KPNA7: variants seen among roughly 807,000 people sequenced by gnomAD.
The protein encoded by KPNA7 is importin subunit alpha-8.
A neutral mutation model predicts 53.7 loss-of-function variants in KPNA7; 54 were observed. The observed-to-expected ratio is 1.01, with a 90% CI of 0.81 to 1.26. The LOEUF (loss-of-function observed/expected upper bound fraction) is 1.26. Ranked by LOEUF, KPNA7 falls within the 50% of genes most tolerant of loss-of-function variation. The probability of loss-of-function intolerance (pLI) is 0.00; values close to 1 mark genes in which losing one functional copy is unlikely to be tolerated. For synonymous variants in KPNA7, 276 were observed against 259.3 expected (o/e 1.06, Z -0.62); for missense variants, 640 against 644.5 (o/e 0.99, Z 0.07).
rs1270637079 is a variant in KPNA7 at position 99,181,875 on chromosome 7, C to A, written c.1317+8G>T. On this transcript the variant is annotated splice_region_variant and intron_variant, in intron 9 of 10. Coordinates refer to ENST00000327442, the MANE Select transcript of KPNA7 (RefSeq NM_001145715.3). ...TATTTACAAACCAACCTGTTCAGAA[C>A]GGCTCACCTGGAGGATGCAAGAGAT... The A allele has an allele frequency of 2.6e-6, 4 of 1,531,964 alleles. No individual in the cohort carries two copies. Among genetic ancestry groups the A allele is most frequent in the Non-Finnish European group, 3.5e-6 (4 of 1,133,244 alleles). 94.9% of individuals were successfully genotyped at this position (1,531,964 alleles called of 1,614,324 possible). A position where few individuals can be genotyped will look rare whatever the true frequency, so the allele number is the denominator to read the frequency against.
chr7:99,153,034 A>C, the KPNA7 span, among the ~76,000 whole-genome samples: 1 of 152,232 alleles, frequency 6.6e-6, no homozygotes, highest in African/African-American at 2.4e-5. Context: ...TATTTTTATA[A>C]TAACGGGCTG....
intron 3 of KPNA7, among the ~76,000 whole-genome samples, chr7:99,198,597 C>A (rs1272115462): frequency 1.3e-5 from 2 of 151,288 alleles, no homozygotes; most frequent in Admixed American, 6.6e-5. Context: ...TAAAAAAAAA[C>A]ACTCAACAAA....
In KPNA7 at chr7:99,185,024, A is replaced by T. The variant is rs950190320; in HGVS notation, c.1039T>A (p.Trp347Arg). The change falls in exon 8 of 11, where the codon TGG (tryptophan) becomes AGG (arginine). Residue 347 changes from tryptophan to arginine, a missense_variant. Trp to Arg is a moderately radical substitution (Grantham distance 101, BLOSUM62 -3). Coordinates refer to ENST00000327442, the MANE Select transcript of KPNA7 (RefSeq NM_001145715.3). ...CCCGCTGCTACGTTGCTCAGGGCCC[A>T]GGCTGCCTCCTTCTGGATGGAGGGC... The part of the protein sequence containing the change: ...NKPSIQKEAA[W>R]ALSNVAAGPC... The T allele has an allele frequency of 1.3e-6, 2 of 1,551,918 alleles. No homozygotes were observed. Among genetic ancestry groups the T allele is most frequent in the Admixed American group, 3.9e-5 (2 of 51,006 alleles).
At chr7:99,194,505 G>A (rs942789906) in intron 5 of KPNA7, among the ~76,000 whole-genome samples, 4 of 152,150 alleles carry the variant, frequency 2.6e-5, no homozygotes, top group African/African-American at 7.2e-5. Flanking sequence ...GAGGCTGTAG[G>A]ACCTTAGTGT....
the KPNA7 span, among the ~76,000 whole-genome samples, chr7:99,167,780 C>T: frequency 6.6e-6 from 1 of 151,744 alleles, no homozygotes; most frequent in African/African-American, 2.4e-5. Context: ...TGTGCCTGGC[C>T]TCCTTATGAG....
At chr7:99,194,494 T>G (rs949489312) in intron 5 of KPNA7, among the ~76,000 whole-genome samples, 1 of 152,208 alleles carries the variant, frequency 6.6e-6, no homozygotes, top group Non-Finnish European at 1.5e-5. Flanking sequence ...CACGAAGCCC[T>G]GAGGCTGTAG....
chr7:99,185,125 C>T lies in KPNA7; in HGVS notation c.938G>A (p.Gly313Asp). Residue 313 changes from glycine (G) to aspartate (D), a missense_variant, in exon 8 of 11, where the codon GGC becomes GAC. Transcript: ENST00000327442. ...GGCCATCTGCGTCTGCTCATCTGTGCCCGTGACAATGTTCCCCACGGTGCG... is the reference window on the plus strand; with the variant it reads ...GGCCATCTGCGTCTGCTCATCTGTGTCCGTGACAATGTTCCCCACGGTGCG... The part of the protein sequence containing the change: ...SLRTVGNIVT[G>D]TDEQTQMAID... The T allele has an allele frequency of 1.3e-6, 2 of 1,552,032 alleles. No individual in the cohort carries two copies. The highest frequency in any genetic ancestry group is 1.7e-6 in the Non-Finnish European group (2 of 1,147,072).
At chr7:99,181,033 GTGTGTCTCTCTCTCTCTCTCCGTC>G (rs1563068952) in intron 9 of KPNA7, among the ~76,000 whole-genome samples, 308 of 15,220 alleles carry the variant, frequency 0.02, 120 homozygotes, top group African/African-American at 0.054. Flanking sequence ...GTCTCTCTGT[GTGTGTCTCTCTCTCTCTCTCCGTC>G]TGTGTCTCTC....
chr7:99,213,349 C>A (rs1177454712), intron 1 of KPNA7, among the ~76,000 whole-genome samples: 1 of 145,686 alleles, frequency 6.9e-6, no homozygotes, highest in Non-Finnish European at 1.5e-5. Context: ...AGGATGGTCT[C>A]AAACTCTTGA....
At chr7:99,212,900 AAAAAG>A (rs1368664415), upstream of KPNA7, among the ~76,000 whole-genome samples, 14 of 151,880 alleles carry the variant, frequency 9.2e-5, no homozygotes, top group African/African-American at 2.2e-4. Flanking sequence ...AAGAAAAGAA[AAAAAG>A]AAAAGAAAAA....
intron 7 of KPNA7, 126 bp downstream of exon 7, chr7:99,188,174 C>CCA (rs766233691): frequency 1.0e-5 from 4 of 390,036 alleles, no homozygotes; most frequent in South Asian, 6.3e-5. Context: ...GACTCTGTCT[C>CCA]AAAAAAAAAA....
At chr7:99,181,237 GTC>G (rs1363721286) in intron 9 of KPNA7, among the ~76,000 whole-genome samples, 6 of 149,168 alleles carry the variant, frequency 4.0e-5, no homozygotes, top group South Asian at 2.1e-4. Flanking sequence ...GTCTTTCTCT[GTC>G]TCTGTCTCTA....
At chr7:99,193,124 CATTT>C (rs1790047385) in intron 5 of KPNA7, 23 bp from the exon 6 acceptor site, 2 of 1,389,198 alleles carry the variant, frequency 1.4e-6, no homozygotes, top group South Asian at 1.5e-5. Context: ...CAGAATGTGA[CATTT>C]AGAGAGAGAA....
chr7:99,147,698 G>A, the KPNA7 span, among the ~76,000 whole-genome samples: 1 of 152,190 alleles, frequency 6.6e-6, no homozygotes, highest in East Asian at 1.9e-4. Context: ...GGCTGAGGCA[G>A]GAGAATCTCT....
At chr7:99,213,900 C>T (rs946511672) in intron 1 of KPNA7, among the ~76,000 whole-genome samples, 1 of 152,126 alleles carries the variant, frequency 6.6e-6, no homozygotes, top group Non-Finnish European at 1.5e-5. Context: ...TGAGCCACTG[C>T]ACCTGGCCCA....
chr7:99,207,387 T>C lies in KPNA7; in HGVS notation c.66+14A>G. On this transcript the variant is annotated intron_variant, in intron 2 of 10. Coordinates refer to ENST00000327442, the MANE Select transcript of KPNA7 (RefSeq NM_001145715.3). ...CTGGTCCCCAATAGAAGCAGGTGGG[T>C]GCTTCATACTCACAGACACATCTTT... The C allele has an allele frequency of 6.4e-7, 1 of 1,550,568 alleles. No homozygotes were observed. Among genetic ancestry groups the C allele is most frequent in the Non-Finnish European group, 8.7e-7 (1 of 1,146,194 alleles).
chr7:99,185,052 G>A lies in KPNA7; in HGVS notation c.1011C>T (p.Asn337=), dbSNP rs1789505327. The change falls in exon 8 of 11, where the codon AAC becomes AAT. Residue 337 remains asparagine (N), a synonymous_variant. Transcript: ENST00000327442. ...CTGCCTCCTTCTGGATGGAGGGCTT[G>A]TTGTGTTGCAGGAGCTGGGGGAGCA... The part of the protein sequence containing the change: ...LNVLPQLLQH[N]KPSIQKEAAW... The A allele has an allele frequency of 1.3e-6, 2 of 1,551,956 alleles. No individual in the cohort carries two copies. The highest frequency in any genetic ancestry group is 1.4e-5 in the African/African-American group (1 of 73,186).
the KPNA7 span, among the ~76,000 whole-genome samples, chr7:99,163,407 G>A: frequency 3.9e-4 from 3 of 7,620 alleles, no homozygotes; most frequent in Admixed American, 1.5e-3. Context: ...TTTTTTTTTT[G>A]AGACAGGGTC....
At position 99,180,747 on chromosome 7, in the gene KPNA7, C is replaced by G. The variant is rs1473964019; in HGVS notation, c.1317+1136G>C. Among the ~76,000 whole-genome samples, 39 of 81,678 alleles carry G rather than the reference C, an allele frequency of 4.8e-4. 2 individuals carry two copies. Among genetic ancestry groups the G allele is most frequent in the East Asian group, 8.9e-4 (3 of 3,370 alleles). 53.6% of individuals were successfully genotyped at this position (81,678 alleles called of 152,430 possible). A position where few individuals can be genotyped will look rare whatever the true frequency, so the allele number is the denominator to read the frequency against. ...TCTGTGTCTCTCTCTCTCCCCGTGT[C>G]TCTCTCTCTCTCCCCGTCTGTGTCT... On this transcript the variant is annotated intron_variant, in intron 9 of 10. Coordinates refer to ENST00000327442, the MANE Select transcript of KPNA7 (RefSeq NM_001145715.3).
Sources: gnomAD v4.1 joint callset for allele counts (sites outside exome capture counted in the v4.1 genomes callset) on GRCh38, gnomAD v4.1.1 for gene constraint, MANE v1.5 for transcripts, NCBI Gene and HGNC (gene_info 2026-07-23, HGNC 2026-07-21) for gene names.